Variants in KALRN observed in about 807,000 individuals in gnomAD.
The protein encoded by KALRN is kalirin RhoGEF kinase, also known as kalirin.
Under a neutral mutation model 353.7 loss-of-function variants are expected in KALRN, and 70 were observed. The ratio of observed to expected loss-of-function variants is 0.20; its 90% CI spans 0.16 to 0.24. The LOEUF is 0.24. Ranked by LOEUF, KALRN falls within the 10% of genes least tolerant of loss-of-function variation. The pLI is 1.00. For missense variants in KALRN, 2,791 were observed against 3,756.7 expected (o/e 0.74, Z 6.72); for synonymous variants, 1,391 against 1,434.8 (o/e 0.97, Z 0.69).
intron 1 of KALRN, among the ~76,000 whole-genome samples, chr3:124,086,108 C>T (rs1252190265): frequency 6.6e-6 from 1 of 151,916 alleles, no homozygotes; most frequent in African/African-American, 2.4e-5. Context: ...TATTGTGGGA[C>T]ATTTAGGTTT....
chr3:124,500,841 G>A (rs1335937325), intron 33 of KALRN, among the ~76,000 whole-genome samples: 2 of 151,704 alleles, frequency 1.3e-5, no homozygotes, highest in Non-Finnish European at 2.9e-5. Flanking sequence ...ATAGTCTTTT[G>A]ACTATATGTG....
chr3:124,110,469 G>GCA (rs1553768422), intron 1 of KALRN, among the ~76,000 whole-genome samples: 9,496 of 133,920 alleles, frequency 0.071, 495 homozygotes, highest in African/African-American at 0.11. Context: ...ACACACGCGC[G>GCA]CACACACACA....
Position 124,201,123 on chromosome 3 carries a change from T to G in KALRN, c.74-26867T>G, listed in dbSNP as rs538979108. Reference sequence around the variant, plus strand: ...GAATGGGGATATGATGCCAGGAGATTCTGCAGCCATCTTGTGACCAAGAGA... The same window carrying G: ...GAATGGGGATATGATGCCAGGAGATGCTGCAGCCATCTTGTGACCAAGAGA... On this transcript the variant is annotated intron_variant, in intron 1 of 59. Coordinates refer to ENST00000682506, the MANE Select transcript of KALRN (RefSeq NM_001388419.1). Among the ~76,000 whole-genome samples, 217 of 152,350 alleles carry G rather than the reference T, an allele frequency of 1.4e-3. 1 individual carries two copies. Among genetic ancestry groups the G allele is most frequent in the African/African-American group, 5.0e-3 (206 of 41,590 alleles).
chr3:124,554,706 G>A (rs2070994334), intron 33 of KALRN, among the ~76,000 whole-genome samples: 1 of 151,996 alleles, frequency 6.6e-6, no homozygotes. Flanking sequence ...GAAAAGTCTG[G>A]TAATCTATAG....
intron 10 of KALRN, among the ~76,000 whole-genome samples, chr3:124,353,934 G>A (rs530471341): frequency 3.3e-5 from 5 of 152,324 alleles, no homozygotes; most frequent in Admixed American, 6.5e-5. Flanking sequence ...TGGAGCACTA[G>A]GGAGAAGTTA....
chr3:124,345,618 TCTC>T (rs1457988554), intron 9 of KALRN, among the ~76,000 whole-genome samples: 1 of 152,228 alleles, frequency 6.6e-6, no homozygotes, highest in South Asian at 2.1e-4. Flanking sequence ...GTGTTTAAAA[TCTC>T]CATAATGTTT....
At chr3:124,595,355 A>C (rs1031086435) in intron 34 of KALRN, among the ~76,000 whole-genome samples, 1 of 152,212 alleles carries the variant, frequency 6.6e-6, no homozygotes, top group African/African-American at 2.4e-5. Context: ...CAGATTATTA[A>C]ACTATTAGTA....
chr3:124,666,539 A>C lies in KALRN; in HGVS notation c.6436A>C (p.Arg2146=), dbSNP rs1280086072. Residue 2146 remains arginine, a synonymous_variant, in exon 46 of 60, where the codon AGG becomes CGG. Coordinates refer to ENST00000682506, the MANE Select transcript of KALRN (RefSeq NM_001388419.1). The part of the protein sequence containing the change: ...DAGMQSRTKE[R]RVFLFEQIVI... Reference sequence around the variant, plus strand: ...AGGCATGCAGTCCCGGACCAAAGAGAGGCGCGTGTTCCTCTTCGAGCAGAT... The same window carrying C: ...AGGCATGCAGTCCCGGACCAAAGAGCGGCGCGTGTTCCTCTTCGAGCAGAT... 6.2e-7 allele frequency: 1 copy of C among 1,613,992 alleles called. No individual in the cohort carries two copies. The highest frequency in any genetic ancestry group is 1.7e-5 in the Admixed American group (1 of 60,016).
chr3:124,417,508 G>T (rs1174035153), intron 14 of KALRN, among the ~76,000 whole-genome samples: 1 of 152,170 alleles, frequency 6.6e-6, no homozygotes, highest in Non-Finnish European at 1.5e-5. Flanking sequence ...TTTATACAAG[G>T]TTTGTAAATG....
rs562557647 is a variant in KALRN at position 124,412,478 on chromosome 3, T to A, written c.2347-992T>A. On this transcript the variant is annotated intron_variant, in intron 13 of 59. Transcript: ENST00000682506. ...TAGCATGAGATAGCAGATCTGAAAA[T>A]CACTTTTAAAAACTTTTAATTTTGA... 1.4e-4 allele frequency among the ~76,000 whole-genome samples: 22 copies of A among 152,274 alleles called. No individual in the cohort carries two copies. The East Asian group carries it at 3.3e-3, about 23-fold the overall frequency.
intron 1 of KALRN, chr3:124,096,805 G>T (rs557331154): frequency 2.0e-5 from 3 of 152,220 alleles, no homozygotes; most frequent in Non-Finnish European, 4.4e-5. Flanking sequence ...GAAATTTATT[G>T]TGTTAGTGCA....
rs144602708 is a variant in KALRN at position 124,298,865 on chromosome 3, C to T, written c.1044C>T (p.Tyr348=). ...SHTEIGVSYQ[Y]ALDLQTQHNH... ...CGGAGATCGGAGTCAGCTACCAGTACGCCCTTGACCTCCAGACGCAGCACA... is the reference window on the plus strand; with the variant it reads ...CGGAGATCGGAGTCAGCTACCAGTATGCCCTTGACCTCCAGACGCAGCACA... The change falls in exon 6 of 60, where the codon TAC becomes TAT. Residue 348 remains tyrosine (Y), a synonymous_variant. Transcript: ENST00000682506. 4.3e-5 allele frequency: 69 copies of T among 1,614,164 alleles called. No homozygotes were observed. In the Middle Eastern group the frequency reaches 4.9e-4, roughly 12 times the overall value.
At chr3:124,649,902 T>A (rs1403667720) in intron 37 of KALRN, among the ~76,000 whole-genome samples, 1 of 150,698 alleles carries the variant, frequency 6.6e-6, no homozygotes, top group Non-Finnish European at 1.5e-5. Flanking sequence ...AGCGGGAAGA[T>A]CACTTGAGCC....
intron 34 of KALRN, among the ~76,000 whole-genome samples, chr3:124,590,048 C>G (rs2075625505): frequency 6.6e-6 from 1 of 152,034 alleles, no homozygotes; most frequent in Admixed American, 6.6e-5. Flanking sequence ...TTAAATGTCT[C>G]AGCAGAATCA....
intron 1 of KALRN, among the ~76,000 whole-genome samples, chr3:124,194,837 C>A (rs2075276569): frequency 1.3e-5 from 2 of 151,958 alleles, no homozygotes; most frequent in Non-Finnish European, 2.9e-5. Flanking sequence ...TCTGGGTGGG[C>A]CCTTATCTGC....
intron 33 of KALRN, among the ~76,000 whole-genome samples, chr3:124,523,410 A>G (rs918529000): frequency 6.6e-6 from 1 of 152,160 alleles, no homozygotes; most frequent in African/African-American, 2.4e-5. Flanking sequence ...ACACATTTTT[A>G]TTCTTCTCCA....
At chr3:124,202,563 T>A (rs988138822) in intron 1 of KALRN, among the ~76,000 whole-genome samples, 1 of 152,170 alleles carries the variant, frequency 6.6e-6, no homozygotes, top group Non-Finnish European at 1.5e-5. Context: ...CCTAGTTTTT[T>A]AATGAGAAGT....
rs568644413 is a variant in KALRN at position 124,069,605 on chromosome 3, G to A, written c.73+35792G>A. Among the ~76,000 whole-genome samples the A allele has an allele frequency of 9.2e-5, 14 of 152,076 alleles. No homozygotes were observed. The East Asian group carries it at 2.7e-3, about 29-fold the overall frequency. ...AGAAAATCAAACAATGTAAACTGTA[G>A]TAAAGTAAGAGAGTCCTTCATTGTG... On this transcript the variant is annotated intron_variant, in intron 1 of 59. Coordinates refer to ENST00000682506, the MANE Select transcript of KALRN (RefSeq NM_001388419.1).
At chr3:124,510,776 C>G (rs1427642129) in intron 33 of KALRN, among the ~76,000 whole-genome samples, 1 of 152,170 alleles carries the variant, frequency 6.6e-6, no homozygotes, top group Non-Finnish European at 1.5e-5. Context: ...CCAATGAGAA[C>G]TGCTCTTGAA....
Sources: allele counts gnomAD v4.1 joint callset (sites outside exome capture counted in the v4.1 genomes callset), GRCh38; gene constraint gnomAD v4.1.1; transcripts MANE v1.5; gene names NCBI Gene and HGNC (gene_info 2026-07-23, HGNC 2026-07-21).